Variants in DNAAF5 observed in about 807,000 individuals in gnomAD.
DNAAF5 encodes dynein axonemal assembly factor 5.
A neutral mutation model predicts 75.8 loss-of-function variants in DNAAF5; 64 were observed. The ratio of observed to expected loss-of-function variants is 0.84; its 90% CI spans 0.69 to 1.04. The LOEUF is 1.04. DNAAF5 is among the 50% of genes least tolerant of loss of function. DNAAF5 has a pLI of 0.00. For missense variants in DNAAF5, 1,269 were observed against 1,178.5 expected (o/e 1.08, Z -1.12); for synonymous variants, 657 against 557.2 (o/e 1.18, Z -2.52).
At chr7:779,904 T>A (rs1173258065) in intron 11 of DNAAF5, 49 bp from the exon 12 acceptor site, 2 of 1,535,006 alleles carry the variant, frequency 1.3e-6, no homozygotes, top group Non-Finnish European at 1.8e-6. Flanking sequence ...CGTTTAGACG[T>A]GAAATGTCTG....
At chr7:773,358 T>G (rs577437757) in intron 9 of DNAAF5, among the ~76,000 whole-genome samples, 1 of 152,342 alleles carries the variant, frequency 6.6e-6, no homozygotes, top group South Asian at 2.1e-4. Flanking sequence ...GCTGTGGAGC[T>G]GGTCTTGGAG....
intron 2 of DNAAF5, among the ~76,000 whole-genome samples, chr7:731,811 C>T (rs536770512): frequency 4.6e-5 from 7 of 152,214 alleles, no homozygotes; most frequent in Admixed American, 2.0e-4. Flanking sequence ...AGACCCTGCA[C>T]GGCCCTTCAC....
chr7:746,891 C>T (rs909008916), intron 4 of DNAAF5, among the ~76,000 whole-genome samples: 1 of 152,220 alleles, frequency 6.6e-6, no homozygotes, highest in Admixed American at 6.5e-5. Flanking sequence ...ATGTCACTTG[C>T]ATGAGGTTGT....
At chr7:783,188 G>C (rs973662982) in intron 12 of DNAAF5, among the ~76,000 whole-genome samples, 49 of 152,228 alleles carry the variant, frequency 3.2e-4, no homozygotes, top group Non-Finnish European at 7.3e-5. Context: ...AGCCAGGGTG[G>C]GTGCACTGCT....
intron 4 of DNAAF5, among the ~76,000 whole-genome samples, chr7:745,463 T>TAC (rs376076192): frequency 1.3e-5 from 2 of 152,166 alleles, no homozygotes; most frequent in Admixed American, 6.5e-5. Context: ...CATGCACATG[T>TAC]ACACACACAC....
chr7:733,977 G>A (rs1781660343), intron 2 of DNAAF5, among the ~76,000 whole-genome samples: 1 of 152,146 alleles, frequency 6.6e-6, no homozygotes, highest in Admixed American at 6.5e-5. Flanking sequence ...CAACTTTACT[G>A]AATTTGTTTA....
chr7:727,132 T>G lies in DNAAF5; in HGVS notation c.412T>G (p.Cys138Gly), dbSNP rs989778924. The G allele has an allele frequency of 2.0e-5, 24 of 1,202,738 alleles. No homozygotes were observed. In the Admixed American group the frequency reaches 4.7e-4, roughly 24 times the overall value. 74.5% of individuals were successfully genotyped at this position (1,202,738 alleles called of 1,614,324 possible). Reference sequence around the variant, plus strand: ...GCCCGCGCGCCGCCCGCCCGAGGCCTGTGAGGAGCTGCGCCTGGCGCTTGT... The same window carrying G: ...GCCCGCGCGCCGCCCGCCCGAGGCCGGTGAGGAGCTGCGCCTGGCGCTTGT... ...PVPARRPPEA[C>G]EELRLALVQL... Residue 138 changes from cysteine (C) to glycine (G), a missense_variant, in exon 1 of 13, where the codon TGT (cysteine) becomes GGT (glycine). Coordinates refer to ENST00000297440, the MANE Select transcript of DNAAF5 (RefSeq NM_017802.4).
intron 7 of DNAAF5, among the ~76,000 whole-genome samples, chr7:762,490 C>CA (rs533430102): frequency 0.16 from 20,710 of 130,950 alleles, 1,971 homozygotes; most frequent in Middle Eastern, 0.28. Context: ...AGACTCCGTC[C>CA]AAAAAAAAAA....
Position 780,070 on chromosome 7 carries a change from G to T in DNAAF5, c.2357G>T (p.Ser786Ile), listed in dbSNP as rs747063911. Residue 786 changes from serine (S) to isoleucine (I), a missense_variant, in exon 12 of 13, where the codon AGT (serine) becomes ATT (isoleucine). Coordinates refer to ENST00000297440, the MANE Select transcript of DNAAF5 (RefSeq NM_017802.4). ...GANAKSYYQS[S>I]VQYLYRELLV... ...AACGCAAAATCCTACTATCAGAGCA[G>T]TGTCCAGTACCTGTACCGAGAGTTG... 1 of 1,614,242 alleles carries T rather than the reference G, an allele frequency of 6.2e-7. No homozygotes were observed. Among genetic ancestry groups the T allele is most frequent in the Non-Finnish European group, 8.5e-7 (1 of 1,180,032 alleles).
intron 8 of DNAAF5, among the ~76,000 whole-genome samples, chr7:764,679 C>G (rs1782766936): frequency 1.3e-5 from 2 of 152,244 alleles, no homozygotes; most frequent in African/African-American, 4.8e-5. Context: ...TACACAATCT[C>G]TGTGCCTGGT....
At position 774,434 on chromosome 7, in the gene DNAAF5, C is replaced by T. The variant is rs76962855; in HGVS notation, c.2082+236C>T. ...AGCCAGGCCGCGGGCCCAGCCAGCC[C>T]GGTCGTGCTGCGGGTTTTGCAGCCG... is the stretch of plus-strand genomic sequence containing the variant. On this transcript the variant is annotated intron_variant, in intron 10 of 12. Transcript: ENST00000297440. Among the ~76,000 whole-genome samples the T allele has an allele frequency of 0.014, 2,193 of 152,210 alleles. 38 individuals are homozygous for T. The highest frequency in any genetic ancestry group is 0.12 in the East Asian group (598 of 5,172).
At chr7:769,076 C>A (rs1038039964) in intron 8 of DNAAF5, 3 of 707,262 alleles carry the variant, frequency 4.2e-6, no homozygotes, top group Non-Finnish European at 7.8e-6. Context: ...GCCAGAGCAG[C>A]GAGTACATTG....
intron 12 of DNAAF5, among the ~76,000 whole-genome samples, chr7:784,534 G>GC (rs1019999942): frequency 1.3e-5 from 2 of 151,978 alleles, no homozygotes; most frequent in African/African-American, 4.8e-5. Context: ...AGCTAGACAC[G>GC]CCCAACCCTT....
chr7:785,917 C>T lies in DNAAF5; in HGVS notation c.*264C>T. ...TTAAAAGTAAGTCGCAGCCGCTCCT[C>T]CCGCAGCCACTTCAGCAGCATCTTA... On this transcript the variant is annotated 3_prime_UTR_variant, in exon 13 of 13. Coordinates refer to ENST00000297440, the MANE Select transcript of DNAAF5 (RefSeq NM_017802.4). 1 of 423,628 alleles carries T rather than the reference C, an allele frequency of 2.4e-6. No homozygotes were observed. The highest frequency in any genetic ancestry group is 4.2e-6 in the Non-Finnish European group (1 of 237,156). The allele number at this position is 423,628 out of a possible 1,614,324, so 26.2% of individuals were successfully genotyped here. A position where few individuals can be genotyped will look rare whatever the true frequency, so the allele number is the denominator to read the frequency against.
At chr7:781,928 C>T (rs985408319) in intron 12 of DNAAF5, among the ~76,000 whole-genome samples, 9 of 152,246 alleles carry the variant, frequency 5.9e-5, no homozygotes, top group African/African-American at 2.2e-4. Context: ...AGTCTCCCAT[C>T]CCGTACCCGC....
intron 3 of DNAAF5, 131 bp from the exon 4 acceptor site, chr7:741,216 C>G: frequency 1.4e-6 from 1 of 732,466 alleles, no homozygotes. Flanking sequence ...TCTGGTCCAC[C>G]TTTTCTGGGG....
intron 12 of DNAAF5, among the ~76,000 whole-genome samples, chr7:780,743 C>T (rs1040731375): frequency 6.6e-6 from 1 of 152,202 alleles, no homozygotes; most frequent in Non-Finnish European, 1.5e-5. Flanking sequence ...TGAGGCCACA[C>T]ACCACAGAGC....
rs544355858 is a variant in DNAAF5, at chr7:768,623, C to T, written c.1784-1848C>T. 1.2e-3 allele frequency: 175 copies of T among 151,678 alleles called. 1 individual carries two copies. The highest frequency in any genetic ancestry group is 1.9e-3 in the Non-Finnish European group (128 of 69,186). 9.4% of individuals were successfully genotyped at this position (151,678 alleles called of 1,614,324 possible). Reference sequence around the variant, plus strand: ...TGTCCACGCCTACCTCGAGCAGGAGCGCTCATGCTGGGAAGGCAGATGGGT... The same window carrying T: ...TGTCCACGCCTACCTCGAGCAGGAGTGCTCATGCTGGGAAGGCAGATGGGT... On this transcript the variant is annotated intron_variant, in intron 8 of 12. Coordinates refer to ENST00000297440, the MANE Select transcript of DNAAF5 (RefSeq NM_017802.4).
intron 12 of DNAAF5, among the ~76,000 whole-genome samples, chr7:783,331 G>A (rs533970027): frequency 2.0e-5 from 3 of 152,286 alleles, no homozygotes; most frequent in South Asian, 4.1e-4. Context: ...AGGTGAAGCC[G>A]TGTGCTCGAG....
Sources: allele counts gnomAD v4.1 joint callset (sites outside exome capture counted in the v4.1 genomes callset), GRCh38; gene constraint gnomAD v4.1.1; transcripts MANE v1.5; gene names NCBI Gene and HGNC (gene_info 2026-07-23, HGNC 2026-07-21).